FER: variants seen among roughly 807,000 people sequenced by gnomAD.
The protein encoded by FER is tyrosine-protein kinase Fer.
FER carries 63 observed loss-of-function variants against 111.0 expected under a neutral mutation model. The ratio of observed to expected loss-of-function variants is 0.57; its 90% CI spans 0.46 to 0.70. The LOEUF is 0.70. Among genes scored for constraint, FER ranks in the 30% least tolerant of loss-of-function variants. The pLI, the probability that FER is intolerant of heterozygous loss-of-function variation, is 0.00. For missense variants in FER, 914 were observed against 954.0 expected, an observed-to-expected ratio of 0.96 and a Z score of 0.55; for synonymous variants, 327 against 313.9, an observed-to-expected ratio of 1.04 and a Z score of -0.44.
chr5:109,016,825 C>CT (rs1767199207), intron 13 of FER, among the ~76,000 whole-genome samples: 1 of 151,938 alleles, frequency 6.6e-6, no homozygotes, highest in Non-Finnish European at 1.5e-5. Flanking sequence ...ACCAACATGT[C>CT]TTTATAGGTA....
chr5:109,095,142 A>G (rs1193415036), intron 16 of FER, among the ~76,000 whole-genome samples: 5 of 152,128 alleles, frequency 3.3e-5, no homozygotes, highest in African/African-American at 1.2e-4. Context: ...GATGAACCTC[A>G]TCTGAAAAGA....
intron 17 of FER, among the ~76,000 whole-genome samples, chr5:109,106,381 A>G (rs1211846170): frequency 6.6e-6 from 1 of 152,156 alleles, no homozygotes; most frequent in Non-Finnish European, 1.5e-5. Context: ...ACTGTTGTTT[A>G]GAATGCCCCC....
intron 18 of FER, among the ~76,000 whole-genome samples, chr5:109,183,793 T>G (rs1437383646): frequency 6.6e-6 from 1 of 152,126 alleles, no homozygotes; most frequent in African/African-American, 2.4e-5. Context: ...GGCATAGAAT[T>G]AAACCTGTTG....
chr5:109,011,233 CAG>C (rs1334598813), intron 13 of FER, among the ~76,000 whole-genome samples: 3 of 151,880 alleles, frequency 2.0e-5, no homozygotes, highest in Non-Finnish European at 2.9e-5. Context: ...GGACAAAGAA[CAG>C]AATTCAGTGA....
chr5:108,970,821 GA>G (rs1157921506), intron 13 of FER, among the ~76,000 whole-genome samples: 24 of 152,136 alleles, frequency 1.6e-4, no homozygotes, highest in African/African-American at 5.6e-4. Flanking sequence ...CAGTTTGACA[GA>G]AGCAGGTGAT....
chr5:108,879,699 A>ATATATATATATATATAT (rs1165401708), intron 8 of FER, among the ~76,000 whole-genome samples: 1,194 of 92,862 alleles, frequency 0.013, 15 homozygotes, highest in Non-Finnish European at 0.016. Context: ...AGATTAAAAA[A>ATATATATATATATATAT]AAATATATAT....
chr5:109,060,292 ACTT>A (rs1774222774), intron 16 of FER, among the ~76,000 whole-genome samples: 1 of 152,172 alleles, frequency 6.6e-6, no homozygotes, highest in African/African-American at 2.4e-5. Context: ...GCTTCAATAT[ACTT>A]CTTAAGAAAA....
chr5:109,010,157 GT>G (rs1405220195), intron 13 of FER, among the ~76,000 whole-genome samples: 1 of 151,164 alleles, frequency 6.6e-6, no homozygotes, highest in African/African-American at 2.4e-5. Context: ...TCTCTTCTTA[GT>G]TTTCTTTTTT....
At chr5:109,090,079 A>T (rs1777997006) in intron 16 of FER, among the ~76,000 whole-genome samples, 1 of 152,276 alleles carries the variant, frequency 6.6e-6, no homozygotes, top group Non-Finnish European at 1.5e-5. Context: ...AAGGACTGGT[A>T]TCTGTGTTGC....
intron 9 of FER, among the ~76,000 whole-genome samples, chr5:108,894,138 G>C (rs1748660468): frequency 6.6e-6 from 1 of 151,970 alleles, no homozygotes; most frequent in African/African-American, 2.4e-5. Flanking sequence ...AGGCTTTGAA[G>C]TTTTCCATCC....
intron 3 of FER, among the ~76,000 whole-genome samples, chr5:108,827,376 G>A (rs542407507): frequency 3.3e-5 from 5 of 152,144 alleles, no homozygotes; most frequent in Admixed American, 6.5e-5. Flanking sequence ...CAAATGATCC[G>A]TACCCTATAT....
In FER at chr5:109,180,705, A is replaced by G. The variant is rs772803921; in HGVS notation, c.2049-42A>G. The G allele has an allele frequency of 2.5e-5, 39 of 1,555,254 alleles. 1 individual carries two copies. The highest frequency in any genetic ancestry group is 2.9e-5 in the Non-Finnish European group (34 of 1,156,800). On this transcript the variant is annotated intron_variant, in intron 17 of 19. Coordinates refer to ENST00000281092, the MANE Select transcript of FER (RefSeq NM_005246.4). ...ATCATAAATGTGAAAGTGGCTTTCA[A>G]TTTGTTTTAATAGGCGTTTTCTGTG...
At chr5:108,951,235 G>T (rs2149642857) in intron 11 of FER, among the ~76,000 whole-genome samples, 1 of 152,208 alleles carries the variant, frequency 6.6e-6, no homozygotes, top group East Asian at 1.9e-4. Context: ...TTGGACTCCA[G>T]CCTGGGTGAC....
chr5:108,779,683 G>T (rs564636887), intron 2 of FER, among the ~76,000 whole-genome samples: 2 of 152,130 alleles, frequency 1.3e-5, no homozygotes, highest in African/African-American at 4.8e-5. Flanking sequence ...CAAGGAGTTC[G>T]TTGGGTCAAT....
intron 5 of FER, among the ~76,000 whole-genome samples, chr5:108,843,482 A>C: frequency 6.6e-6 from 1 of 152,236 alleles, no homozygotes; most frequent in East Asian, 1.9e-4. Context: ...CAGAGATATA[A>C]AAATGAAAAA....
At chr5:108,771,212 A>C (rs1580442361) in intron 2 of FER, among the ~76,000 whole-genome samples, 1 of 152,016 alleles carries the variant, frequency 6.6e-6, no homozygotes, top group African/African-American at 2.4e-5. Context: ...GGGATTACAG[A>C]CTTGAGCCAC....
chr5:109,001,464 G>A (rs943946042), intron 13 of FER, among the ~76,000 whole-genome samples: 1 of 152,132 alleles, frequency 6.6e-6, no homozygotes, highest in Non-Finnish European at 1.5e-5. Flanking sequence ...CAATCAATTA[G>A]GTATTGATGG....
At chr5:108,878,168 A>C (rs558564604) in intron 8 of FER, among the ~76,000 whole-genome samples, 1 of 152,046 alleles carries the variant, frequency 6.6e-6, no homozygotes, top group Non-Finnish European at 1.5e-5. Context: ...CAGCCTCCCA[A>C]AGTGCTGCGA....
In FER at chr5:108,801,421, G is replaced by A. The variant is rs1435986111; in HGVS notation, c.207+3032G>A. On this transcript the variant is annotated intron_variant, in intron 3 of 19. Coordinates refer to ENST00000281092, the MANE Select transcript of FER (RefSeq NM_005246.4). ...TCCTTGATAATAATATCAAAGTCAGGTAGTGTACAGTAGTCATCCCTTATT... is the reference window on the plus strand; with the variant it reads ...TCCTTGATAATAATATCAAAGTCAGATAGTGTACAGTAGTCATCCCTTATT... 2.0e-5 allele frequency among the ~76,000 whole-genome samples: 3 copies of A among 152,132 alleles called. No homozygotes were observed. In the East Asian group the frequency reaches 5.8e-4, roughly 29 times the overall value.
Sources: gnomAD v4.1 joint callset for allele counts (sites outside exome capture counted in the v4.1 genomes callset) on GRCh38, gnomAD v4.1.1 for gene constraint, MANE v1.5 for transcripts, NCBI Gene and HGNC (gene_info 2026-07-23, HGNC 2026-07-21) for gene names.